Variants in GRAMD1B observed in about 807,000 individuals in gnomAD.
The protein encoded by GRAMD1B is protein Aster-B.
GRAMD1B carries 37 observed loss-of-function variants against 99.7 expected under a neutral mutation model. The observed-to-expected ratio is 0.37, with a 90% CI of 0.29 to 0.49. The LOEUF (loss-of-function observed/expected upper bound fraction) is 0.49, where lower values mean the gene tolerates loss of function less well. Among genes scored for constraint, GRAMD1B ranks in the 20% least tolerant of loss-of-function variants. GRAMD1B has a pLI of 0.98. For synonymous variants in GRAMD1B, 427 were observed against 387.6 expected (o/e 1.10, Z -1.19); for missense variants, 888 against 1,009.2 (o/e 0.88, Z 1.63).
chr11:123,582,520 C>G (rs910532127), intron 3 of GRAMD1B, among the ~76,000 whole-genome samples: 2 of 152,144 alleles, frequency 1.3e-5, no homozygotes, highest in Non-Finnish European at 2.9e-5. Flanking sequence ...CCCTGGAGAG[C>G]ACCTTGCAGA....
In GRAMD1B at chr11:123,627,668, C is replaced by T. The variant is rs1955571477; in HGVS notation, c.*5073C>T. The T allele has an allele frequency of 6.6e-6, 1 of 152,220 alleles. No individual in the cohort carries two copies. The highest frequency in any genetic ancestry group is 1.5e-5 in the Non-Finnish European group (1 of 68,050). The allele number at this position is 152,220 out of a possible 1,614,324, so 9.4% of individuals were successfully genotyped here. Reference sequence around the variant, plus strand: ...AAGGTCAGAAAACTTACTGCTAGTACCTAGAAACACACAAGGCTGCCCAGC... The same window carrying T: ...AAGGTCAGAAAACTTACTGCTAGTATCTAGAAACACACAAGGCTGCCCAGC... On this transcript the variant is annotated 3_prime_UTR_variant, in exon 20 of 20. Coordinates refer to ENST00000635736, the MANE Select transcript of GRAMD1B (RefSeq NM_001387025.1).
At chr11:123,391,433 C>A (rs1474938249) in intron 1 of GRAMD1B, among the ~76,000 whole-genome samples, 1 of 152,092 alleles carries the variant, frequency 6.6e-6, no homozygotes, top group Non-Finnish European at 1.5e-5. Context: ...TCCTTCTTGG[C>A]ATCTTGATTT....
At chr11:123,523,781 G>T (rs1462590209) in intron 2 of GRAMD1B, among the ~76,000 whole-genome samples, 4 of 152,176 alleles carry the variant, frequency 2.6e-5, no homozygotes, top group African/African-American at 9.7e-5. Context: ...GGTCATAAAG[G>T]ACAACTCTTT....
At chr11:123,397,330 C>T (rs1291444190) in intron 1 of GRAMD1B, among the ~76,000 whole-genome samples, 3 of 152,116 alleles carry the variant, frequency 2.0e-5, no homozygotes, top group Non-Finnish European at 4.4e-5. Context: ...ATTGCTTGAA[C>T]CCGGGAGTTT....
chr11:123,366,714 A>G (rs1219787317), intron 1 of GRAMD1B, among the ~76,000 whole-genome samples: 1 of 152,212 alleles, frequency 6.6e-6, no homozygotes, highest in Non-Finnish European at 1.5e-5. Flanking sequence ...AAGTGCGTTG[A>G]TGGATTGAAA....
chr11:123,466,435 GAAGA>G (rs200424957), intron 1 of GRAMD1B, among the ~76,000 whole-genome samples: 128 of 141,102 alleles, frequency 9.1e-4, no homozygotes, highest in South Asian at 1.8e-3. Flanking sequence ...AGAAAGAAAG[GAAGA>G]AAGAAAGAAA....
At chr11:123,616,936 A>G (rs1284854996) in intron 17 of GRAMD1B, among the ~76,000 whole-genome samples, 2 of 152,200 alleles carry the variant, frequency 1.3e-5, no homozygotes, top group Non-Finnish European at 2.9e-5. Context: ...AATTCAACAT[A>G]AAAGTTTTAA....
intron 2 of GRAMD1B, among the ~76,000 whole-genome samples, chr11:123,573,708 G>A (rs533339723): frequency 6.6e-6 from 1 of 152,256 alleles, no homozygotes; most frequent in South Asian, 2.1e-4. Flanking sequence ...GGGATTAAAC[G>A]AAATAATATT....
intron 7 of GRAMD1B, chr11:123,598,972 T>C (rs1951621386): frequency 3.8e-6 from 4 of 1,050,752 alleles, no homozygotes; most frequent in Non-Finnish European, 6.0e-6. Context: ...AGGTATGTGA[T>C]ATAATCCAGC....
At chr11:123,375,444 CTGTT>C (rs1946661277) in intron 1 of GRAMD1B, among the ~76,000 whole-genome samples, 1 of 151,944 alleles carries the variant, frequency 6.6e-6, no homozygotes, top group South Asian at 2.1e-4. Flanking sequence ...AAATCAGAAA[CTGTT>C]TATCCGGCAT....
intron 1 of GRAMD1B, among the ~76,000 whole-genome samples, chr11:123,467,824 TCCC>T (rs1950769730): frequency 3.9e-4 from 35 of 90,426 alleles, no homozygotes; most frequent in South Asian, 5.9e-4. Context: ...TTCTTTTCCC[TCCC>T]TCCCTCCCTC....
At chr11:123,568,503 C>T (rs751931234) in intron 2 of GRAMD1B, among the ~76,000 whole-genome samples, 3 of 152,242 alleles carry the variant, frequency 2.0e-5, no homozygotes, top group Non-Finnish European at 2.9e-5. Context: ...TTTTCCCAAA[C>T]GGAGGAGAGG....
intron 1 of GRAMD1B, among the ~76,000 whole-genome samples, chr11:123,417,984 C>T (rs1481639773): frequency 6.6e-6 from 1 of 152,028 alleles, no homozygotes; most frequent in African/African-American, 2.4e-5. Context: ...AGGCTGGTCT[C>T]AAACTCCTGT....
At chr11:123,442,295 A>G (rs1262249628) in intron 1 of GRAMD1B, among the ~76,000 whole-genome samples, 1 of 152,068 alleles carries the variant, frequency 6.6e-6, no homozygotes, top group Non-Finnish European at 1.5e-5. Flanking sequence ...TCTGAGATCT[A>G]TACTTCTGAC....
rs567035472 is a variant in GRAMD1B at position 123,451,569 on chromosome 11, A to G, written c.374+20403A>G. Among the ~76,000 whole-genome samples, 7 of 152,294 alleles carry G rather than the reference A, an allele frequency of 4.6e-5. No individual in the cohort carries two copies. The East Asian group carries it at 9.7e-4, about 21-fold the overall frequency. On this transcript the variant is annotated intron_variant, in intron 1 of 19. Coordinates refer to ENST00000635736, the MANE Select transcript of GRAMD1B (RefSeq NM_001387025.1). ...AGGAAATGAAACATAAAGACCAAAC[A>G]TTTTAACTAGCAGTTTCGGTGTGCT...
At chr11:123,565,814 A>C (rs1947304591) in intron 2 of GRAMD1B, among the ~76,000 whole-genome samples, 1 of 152,244 alleles carries the variant, frequency 6.6e-6, no homozygotes. Flanking sequence ...TGAACCCAGC[A>C]GGACTGTCCC....
At chr11:123,539,792 C>G (rs1944324850) in intron 2 of GRAMD1B, among the ~76,000 whole-genome samples, 1 of 152,140 alleles carries the variant, frequency 6.6e-6, no homozygotes, top group South Asian at 2.1e-4. Context: ...TGTCACATAC[C>G]GTTTCTATCT....
intron 2 of GRAMD1B, among the ~76,000 whole-genome samples, chr11:123,544,568 C>T (rs1339465857): frequency 6.6e-6 from 1 of 152,186 alleles, no homozygotes; most frequent in African/African-American, 2.4e-5. Flanking sequence ...CAACCTTGCT[C>T]CAACACCCAT....
At chr11:123,592,574 A>T (rs1273044929) in intron 4 of GRAMD1B, among the ~76,000 whole-genome samples, 1 of 152,192 alleles carries the variant, frequency 6.6e-6, no homozygotes, top group Non-Finnish European at 1.5e-5. Flanking sequence ...TCAGGTGGTC[A>T]AGCTGGGGTT....
Sources: allele counts gnomAD v4.1 joint callset (sites outside exome capture counted in the v4.1 genomes callset), GRCh38; gene constraint gnomAD v4.1.1; transcripts MANE v1.5; gene names NCBI Gene and HGNC (gene_info 2026-07-23, HGNC 2026-07-21).